Variants in SI observed in about 807,000 individuals in gnomAD.
SI encodes sucrase-isomaltase.
A neutral mutation model predicts 253.3 loss-of-function variants in SI; 235 were observed. That is an observed-to-expected ratio of 0.93 (90% CI 0.83 to 1.03). The LOEUF (loss-of-function observed/expected upper bound fraction) is 1.03, where lower values mean the gene tolerates loss of function less well. SI is among the 50% of genes least tolerant of loss of function. The pLI, the probability that SI is intolerant of heterozygous loss-of-function variation, is 0.00. For missense variants in SI, 2,442 were observed against 2,211.1 expected, an observed-to-expected ratio of 1.10 and a Z score of -2.09; for synonymous variants, 819 against 712.0, an observed-to-expected ratio of 1.15 and a Z score of -2.39.
At chr3:165,053,172 T>C (rs1354569270) in intron 13 of SI, among the ~76,000 whole-genome samples, 3 of 151,792 alleles carry the variant, frequency 2.0e-5, no homozygotes, top group Admixed American at 6.6e-5. Flanking sequence ...ATCCCATAAA[T>C]GATGTAAAAA....
chr3:165,060,628 A>G (rs1407843387), intron 9 of SI, among the ~76,000 whole-genome samples: 1 of 151,294 alleles, frequency 6.6e-6, no homozygotes, highest in Non-Finnish European at 1.5e-5. Flanking sequence ...ATCTCTTCCT[A>G]TTTCTGTAAT....
chr3:164,987,078 T>A (rs1029333685), intron 45 of SI, 60 bp downstream of exon 45: 9 of 1,275,344 alleles, frequency 7.1e-6, no homozygotes, highest in Non-Finnish European at 9.2e-6. Context: ...ATAGATAACG[T>A]AAAAGTAATG....
chr3:165,009,422 T>C (rs1269762143), intron 34 of SI, 27 bp from the exon 35 acceptor site: 7 of 1,258,624 alleles, frequency 5.6e-6, no homozygotes, highest in East Asian at 4.6e-5. Flanking sequence ...TAGGCTCACA[T>C]GTGGAAAGTC....
chr3:165,089,396 C>G, the SI span, among the ~76,000 whole-genome samples: 2 of 152,032 alleles, frequency 1.3e-5, no homozygotes, highest in East Asian at 3.9e-4. Flanking sequence ...CTTTAGAGAG[C>G]CAACCCTATG....
At chr3:164,994,515 T>G (rs1307160851) in intron 40 of SI, 110 bp from the exon 41 acceptor site, 4 of 1,129,876 alleles carry the variant, frequency 3.5e-6, no homozygotes, top group Non-Finnish European at 5.3e-6. Flanking sequence ...TAATTGATTG[T>G]CATGTGCTAT....
intron 3 of SI, among the ~76,000 whole-genome samples, chr3:165,069,428 T>C (rs924836520): frequency 6.6e-6 from 1 of 152,120 alleles, no homozygotes; most frequent in African/African-American, 2.4e-5. Flanking sequence ...ATTATTAAAA[T>C]CACGTATCTA....
At chr3:165,060,245 G>A (rs1477198600) in intron 9 of SI, among the ~76,000 whole-genome samples, 1 of 151,770 alleles carries the variant, frequency 6.6e-6, no homozygotes, top group Non-Finnish European at 1.5e-5. Context: ...TGTACTTCAC[G>A]TTTTAGTTTG....
chr3:165,035,987 T>A (rs1712510113), intron 22 of SI, among the ~76,000 whole-genome samples: 1 of 151,818 alleles, frequency 6.6e-6, no homozygotes, highest in African/African-American at 2.4e-5. Flanking sequence ...AATTTGACAT[T>A]AAATAACTAA....
chr3:165,087,271 A>G, the SI span, among the ~76,000 whole-genome samples: 9 of 152,246 alleles, frequency 5.9e-5, no homozygotes, highest in African/African-American at 1.9e-4. Context: ...CTTGAGACCC[A>G]GGTACACAGC....
chr3:165,007,005 T>A (rs778302004), intron 36 of SI, 51 bp from the exon 37 acceptor site: 2 of 1,275,572 alleles, frequency 1.6e-6, no homozygotes, highest in Non-Finnish European at 2.2e-6. Context: ...TGCCCTACAA[T>A]GAAACGTGTA....
At chr3:165,083,976 T>C in the SI span, among the ~76,000 whole-genome samples, 1 of 152,030 alleles carries the variant, frequency 6.6e-6, no homozygotes, top group African/African-American at 2.4e-5. Flanking sequence ...ATGTGAACTG[T>C]GGACTTGGAT....
chr3:164,990,325 G>A (rs1195414436), intron 44 of SI, among the ~76,000 whole-genome samples: 1 of 152,004 alleles, frequency 6.6e-6, no homozygotes, highest in Non-Finnish European at 1.5e-5. Flanking sequence ...AAACAGAAAA[G>A]TAGGGTAAAA....
chr3:165,062,731 T>A (rs952269870), intron 8 of SI, among the ~76,000 whole-genome samples: 5 of 152,050 alleles, frequency 3.3e-5, no homozygotes, highest in Non-Finnish European at 5.9e-5. Flanking sequence ...CTCCCCTGGA[T>A]ATTGTGTTGC....
rs150246328 is a variant in SI at position 165,037,931 on chromosome 3, T to A, written c.2395A>T (p.Ile799Phe). ...GTTGTTGTTACATCTGGTTCTTGAA[T>A]GGGGATGATATAACCTCCTCTAAGA... ...LHLRGGYIIP[I>F]QEPDVTTTAS... Residue 799 changes from isoleucine (I) to phenylalanine (F), a missense_variant, in exon 21 of 48, where the codon ATT (isoleucine) becomes TTT (phenylalanine). Physicochemically the swap from Ile to Phe is conservative, Grantham distance 21 (BLOSUM62 0). Coordinates refer to ENST00000264382, the MANE Select transcript of SI (RefSeq NM_001041.4). 1 of 1,610,452 alleles carries A rather than the reference T, an allele frequency of 6.2e-7. No homozygotes were observed. The highest frequency in any genetic ancestry group is 1.3e-5 in the African/African-American group (1 of 74,854).
chr3:165,019,883 A>T, intron 27 of SI, 113 bp from the exon 28 acceptor site: 1 of 938,782 alleles, frequency 1.1e-6, no homozygotes, highest in East Asian at 2.6e-5. Context: ...TATTTTCCAT[A>T]TTCCTAATTA....
At chr3:165,064,389 T>C (rs1292391534) in intron 7 of SI, among the ~76,000 whole-genome samples, 1 of 152,108 alleles carries the variant, frequency 6.6e-6, no homozygotes, top group East Asian at 1.9e-4. Flanking sequence ...TTATAGATAG[T>C]GATGCTGCAA....
At chr3:165,031,012 T>A in intron 24 of SI, 145 bp from the exon 25 acceptor site, 1 of 1,196,460 alleles carries the variant, frequency 8.4e-7, no homozygotes, top group Non-Finnish European at 1.1e-6. Flanking sequence ...TTCTTCAAAT[T>A]AAATCATTAA....
intron 25 of SI, among the ~76,000 whole-genome samples, chr3:165,028,493 G>A (rs1712042338): frequency 6.6e-6 from 1 of 151,142 alleles, no homozygotes; most frequent in South Asian, 2.1e-4. Flanking sequence ...GTGAGAATAA[G>A]CAAAAAGAAC....
chr3:165,078,206 A>G (rs1413597884), intron 1 of SI, among the ~76,000 whole-genome samples: 1 of 151,504 alleles, frequency 6.6e-6, no homozygotes. Flanking sequence ...TACAAAAGTT[A>G]TAATGAAGAG....
Sources: allele counts gnomAD v4.1 joint callset (sites outside exome capture counted in the v4.1 genomes callset), GRCh38; gene constraint gnomAD v4.1.1; transcripts MANE v1.5; gene names NCBI Gene and HGNC (gene_info 2026-07-23, HGNC 2026-07-21).